The following PIK3CA variants were observed in gnomAD, a reference collection of about 807,000 sequenced individuals.
The protein encoded by PIK3CA is phosphatidylinositol-4,5-bisphosphate 3-kinase catalytic subunit alpha, also known as phosphatidylinositol 4,5-bisphosphate 3-kinase catalytic subunit alpha isoform.
Under a neutral mutation model 138.2 loss-of-function variants are expected in PIK3CA, and 27 were observed. The ratio of observed to expected loss-of-function variants is 0.20; its 90% confidence interval spans 0.14 to 0.27. The LOEUF (loss-of-function observed/expected upper bound fraction) is 0.27. Ranked by LOEUF, PIK3CA falls within the 10% of genes least tolerant of loss-of-function variation. The pLI is 1.00. For missense variants in PIK3CA, 544 were observed against 1,277.4 expected (o/e 0.43, Z 8.75); for synonymous variants, 358 against 413.2 (o/e 0.87, Z 1.62).
intron 1 of PIK3CA, among the ~76,000 whole-genome samples, chr3:179,160,973 T>C (rs1723264133): frequency 6.6e-6 from 1 of 152,204 alleles, no homozygotes; most frequent in South Asian, 2.1e-4. Flanking sequence ...ATTACTATTA[T>C]GGTTCTGATC....
rs558696602 is a variant in PIK3CA at position 179,229,558 on chromosome 3, A to G, written c.2666+116A>G. 7.9e-6 allele frequency: 5 copies of G among 634,064 alleles called. No individual in the cohort carries two copies. In the East Asian group the frequency reaches 1.2e-4, roughly 15 times the overall value. The allele number at this position is 634,064 out of a possible 1,614,324, so 39.3% of individuals were successfully genotyped here. ...AGAAAACAATTGTACTTTCTATGGA[A>G]AAAAATATGCTCAACCTTTGAAATA... is the stretch of plus-strand genomic sequence containing the variant. On this transcript the variant is annotated intron_variant, in intron 18 of 20. Transcript: ENST00000263967.
chr3:179,185,184 TA>T (rs1252137254), intron 1 of PIK3CA, among the ~76,000 whole-genome samples: 3 of 152,008 alleles, frequency 2.0e-5, no homozygotes, highest in African/African-American at 7.2e-5. Flanking sequence ...GAAAGAAACA[TA>T]AAAACAAAAG....
intron 4 of PIK3CA, among the ~76,000 whole-genome samples, chr3:179,202,566 A>G (rs890444284): frequency 1.3e-5 from 2 of 152,352 alleles, no homozygotes; most frequent in Non-Finnish European, 2.9e-5. Context: ...TACATAACCA[A>G]GTAAAACCTG....
chr3:179,157,826 A>G (rs1723177826), intron 1 of PIK3CA, among the ~76,000 whole-genome samples: 1 of 152,124 alleles, frequency 6.6e-6, no homozygotes. Context: ...CGAGATTACT[A>G]GTTTTGTAAC....
intron 1 of PIK3CA, among the ~76,000 whole-genome samples, chr3:179,191,138 A>C (rs1425146415): frequency 6.6e-6 from 1 of 152,152 alleles, no homozygotes; most frequent in Non-Finnish European, 1.5e-5. Context: ...CCCTTTCTTC[A>C]CTTGAGGAGA....
intron 1 of PIK3CA, among the ~76,000 whole-genome samples, chr3:179,186,866 C>A (rs1288041726): frequency 6.6e-6 from 1 of 152,108 alleles, no homozygotes; most frequent in Non-Finnish European, 1.5e-5. Flanking sequence ...TCATTGATCT[C>A]ATTGGTTAAA....
At chr3:179,204,648 C>G in intron 6 of PIK3CA, 60 bp downstream of exon 6, 1 of 778,536 alleles carries the variant, frequency 1.3e-6, no homozygotes, top group Admixed American at 2.0e-5. Context: ...CAGTATGATC[C>G]ATAAAAGTAG....
At chr3:179,231,369 C>CT (rs1725207068) in intron 20 of PIK3CA, among the ~76,000 whole-genome samples, 1 of 152,064 alleles carries the variant, frequency 6.6e-6, no homozygotes, top group Non-Finnish European at 1.5e-5. Context: ...TTTAAGAAAT[C>CT]TCCATACTGT....
chr3:179,229,296 A>T lies in PIK3CA; in HGVS notation c.2520A>T (p.Ser840=), dbSNP rs1216933205. ...DLRMLPYGCL[S]IGDCVGLIEV... is the part of the protein sequence containing the mutation. Reference sequence around the variant, plus strand: ...GAATGTTACCTTATGGTTGTCTGTCAATCGGTGACTGTGTGGGACTTATTG... The same window carrying T: ...GAATGTTACCTTATGGTTGTCTGTCTATCGGTGACTGTGTGGGACTTATTG... Residue 840 remains serine (S), a synonymous_variant, in exon 18 of 21, where the codon TCA becomes TCT. Transcript: ENST00000263967. 1.2e-6 allele frequency: 2 copies of T among 1,612,228 alleles called. No individual in the cohort carries two copies. Among genetic ancestry groups the T allele is most frequent in the Non-Finnish European group, 1.7e-6 (2 of 1,179,190 alleles).
In PIK3CA at chr3:179,234,065, A is replaced by T. The variant is rs201107004; in HGVS notation, c.2937-29A>T. The T allele has an allele frequency of 1.9e-6, 3 of 1,557,540 alleles. No homozygotes were observed. In the African/African-American group the frequency reaches 4.1e-5, roughly 21 times the overall value. On this transcript the variant is annotated intron_variant, in intron 20 of 20. Coordinates refer to ENST00000263967, the MANE Select transcript of PIK3CA (RefSeq NM_006218.4). The surrounding 1 kb of genome is among the most constrained non-coding windows in gnomAD (Gnocchi z 5.1). ...AAGGTATTAACATCATTTGCTCCAA[A>T]CTGACCAAACTGTTCTTATTACTTA...
chr3:179,178,706 T>A (rs1252838332), intron 1 of PIK3CA, among the ~76,000 whole-genome samples: 1 of 152,090 alleles, frequency 6.6e-6, no homozygotes, highest in Non-Finnish European at 1.5e-5. Flanking sequence ...GCTCTATCAC[T>A]TACTACAATG....
In PIK3CA at chr3:179,154,239, C is replaced by A. The variant is rs1204518741; in HGVS notation, c.-77+5636C>A. 2.6e-5 allele frequency among the ~76,000 whole-genome samples: 4 copies of A among 152,152 alleles called. No homozygotes were observed. In the East Asian group the frequency reaches 7.7e-4, roughly 29 times the overall value. On this transcript the variant is annotated intron_variant, in intron 1 of 20. Coordinates refer to ENST00000263967, the MANE Select transcript of PIK3CA (RefSeq NM_006218.4). ...TCCTCCTGGCCAGCAGACCCAGTACCTGTCCCTGGCCTGTTAGGAACCGGG... is the reference window on the plus strand; with the variant it reads ...TCCTCCTGGCCAGCAGACCCAGTACATGTCCCTGGCCTGTTAGGAACCGGG...
At chr3:179,192,770 G>C (rs151132064) in intron 1 of PIK3CA, among the ~76,000 whole-genome samples, 2 of 152,354 alleles carry the variant, frequency 1.3e-5, no homozygotes, top group Non-Finnish European at 2.9e-5. Flanking sequence ...AAAGCAAGTG[G>C]TGAGTTGGAT....
chr3:179,152,727 A>G (rs547284303), intron 1 of PIK3CA, among the ~76,000 whole-genome samples: 9 of 152,182 alleles, frequency 5.9e-5, no homozygotes, highest in East Asian at 1.9e-4. Context: ...AATAAATCCT[A>G]TTTTCCACTT....
chr3:179,205,566 A>G (rs575775432), intron 6 of PIK3CA, among the ~76,000 whole-genome samples: 1 of 152,328 alleles, frequency 6.6e-6, no homozygotes, highest in African/African-American at 2.4e-5. Flanking sequence ...ACTCCCAAGA[A>G]TAGATATTTA....
At chr3:179,172,630 A>G (rs568304576) in intron 1 of PIK3CA, among the ~76,000 whole-genome samples, 2 of 152,224 alleles carry the variant, frequency 1.3e-5, no homozygotes, top group Non-Finnish European at 2.9e-5. Context: ...TTACAGTAGT[A>G]TTGCATAGCT....
chr3:179,231,630 CTTTTTTTTT>C (rs144349648), intron 20 of PIK3CA, among the ~76,000 whole-genome samples: 5 of 50,384 alleles, frequency 9.9e-5, no homozygotes, highest in African/African-American at 2.0e-4. Context: ...CCTTAGCCCA[CTTTTTTTTT>C]TTTTTTTTTT....
chr3:179,207,760 TC>T (rs1724603428), intron 6 of PIK3CA, among the ~76,000 whole-genome samples: 1 of 152,134 alleles, frequency 6.6e-6, no homozygotes, highest in Admixed American at 6.5e-5. Flanking sequence ...CCTCAGGTGA[TC>T]CGTCCACCTT....
intron 1 of PIK3CA, among the ~76,000 whole-genome samples, chr3:179,153,307 T>G (rs528487739): frequency 6.6e-6 from 1 of 152,194 alleles, no homozygotes; most frequent in Non-Finnish European, 1.5e-5. Context: ...TTTATTTATT[T>G]GGTAATATTG....
Sources: allele counts gnomAD v4.1 joint callset (sites outside exome capture counted in the v4.1 genomes callset), GRCh38; gene constraint gnomAD v4.1.1; non-coding constraint Gnocchi (gnomAD v3.1); transcripts MANE v1.5; gene names NCBI Gene and HGNC (gene_info 2026-07-23, HGNC 2026-07-21).